Variants in PABIR1 observed in about 807,000 individuals in gnomAD.
The protein encoded by PABIR1 is PPP2R1A-PPP2R2A-interacting phosphatase regulator 1.
Under a neutral mutation model 14.6 loss-of-function variants are expected in PABIR1, and 2 were observed. The ratio of observed to expected loss-of-function variants is 0.14; its 90% CI spans 0.06 to 0.43. PABIR1 has a LOEUF of 0.43. Among genes scored for constraint, PABIR1 ranks in the 20% least tolerant of loss-of-function variants. PABIR1 has a pLI of 0.99. For synonymous variants in PABIR1, 163 were observed against 155.4 expected, an observed-to-expected ratio of 1.05 and a Z score of -0.36; for missense variants, 294 against 379.0, an observed-to-expected ratio of 0.78 and a Z score of 1.86.
chr9:68,782,659 G>A lies in PABIR1; in HGVS notation c.*1631G>A, dbSNP rs1316245246. On this transcript the variant is annotated 3_prime_UTR_variant, in exon 1 of 1. Transcript: ENST00000394264. The stretch of plus-strand genomic sequence containing the variant: ...AAGATGGAGTGAAATTGCATCGAGG[G>A]TAAGACTGTGTCCACAGGTTTAAAA... The A allele has an allele frequency of 6.0e-6, 1 of 167,108 alleles. No individual in the cohort carries two copies. The highest frequency in any genetic ancestry group is 1.5e-5 in the Non-Finnish European group (1 of 68,122). 10.4% of individuals were successfully genotyped at this position (167,108 alleles called of 1,614,324 possible).
chr9:68,780,422 C>A lies in PABIR1; in HGVS notation c.258C>A (p.His86Gln), dbSNP rs1198976534. The A allele has an allele frequency of 6.2e-7, 1 of 1,614,114 alleles. No homozygotes were observed. The highest frequency in any genetic ancestry group is 8.5e-7 in the Non-Finnish European group (1 of 1,180,038). The change falls in exon 1 of 1, where the codon CAC becomes CAA. Residue 86 changes from histidine (H) to glutamine (Q), a missense_variant. Coordinates refer to ENST00000394264, the MANE Select transcript of PABIR1 (RefSeq NM_138333.5). The stretch of plus-strand genomic sequence containing the variant: ...TCCGCATGCACAGCAGCCGCTTGCA[C>A]CAGATCAAACAAGAAGAGGGCATGG... The part of the protein sequence containing the change: ...SPVRMHSSRL[H>Q]QIKQEEGMDL...
In PABIR1 at chr9:68,781,682, AT is replaced by A. The variant is rs1384216026; in HGVS notation, c.*658del. On this transcript the variant is annotated 3_prime_UTR_variant, in exon 1 of 1. Transcript: ENST00000394264. ...TTTTAAGAAAAACATTTTTAATGAG[AT>A]TTTAATAGTAATTCTAGTCAGTCAT... 1.2e-5 allele frequency: 2 copies of A among 166,764 alleles called. No homozygotes were observed. Among genetic ancestry groups the A allele is most frequent in the Non-Finnish European group, 2.9e-5 (2 of 68,114 alleles). 10.3% of individuals were successfully genotyped at this position (166,764 alleles called of 1,614,324 possible).
At position 68,781,706 on chromosome 9, in the gene PABIR1, C is replaced by T. The variant is rs557820815; in HGVS notation, c.*678C>T. The stretch of plus-strand genomic sequence containing the variant: ...GATTTTAATAGTAATTCTAGTCAGT[C>T]ATACAACTATAACTACTATAGAGAA... On this transcript the variant is annotated 3_prime_UTR_variant, in exon 1 of 1. Coordinates refer to ENST00000394264, the MANE Select transcript of PABIR1 (RefSeq NM_138333.5). 176 of 166,072 alleles carry T rather than the reference C, an allele frequency of 1.1e-3. No individual in the cohort carries two copies. Among genetic ancestry groups the T allele is most frequent in the Non-Finnish European group, 1.2e-3 (79 of 68,004 alleles). 10.3% of individuals were successfully genotyped at this position (166,072 alleles called of 1,614,324 possible).
At position 68,782,833 on chromosome 9, in the gene PABIR1, A is replaced by G. The variant is rs970421993; in HGVS notation, c.*1805A>G. The G allele has an allele frequency of 3.6e-5, 6 of 167,080 alleles. No homozygotes were observed. Among genetic ancestry groups the G allele is most frequent in the Admixed American group, 2.0e-4 (3 of 15,284 alleles). The allele number at this position is 167,080 out of a possible 1,614,324, so 10.3% of individuals were successfully genotyped here. A position where few individuals can be genotyped will look rare whatever the true frequency, so the allele number is the denominator to read the frequency against. ...ATTATCTTCAACACAGGAATTGTTA[A>G]TCTTCTCACTTCACCTGTTCTTGCA... is the stretch of plus-strand genomic sequence containing the variant. On this transcript the variant is annotated 3_prime_UTR_variant, in exon 1 of 1. Transcript: ENST00000394264.
chr9:68,781,178 A>T lies in PABIR1; in HGVS notation c.*150A>T. The T allele has an allele frequency of 9.4e-7, 1 of 1,063,058 alleles. No homozygotes were observed. The highest frequency in any genetic ancestry group is 1.4e-6 in the Non-Finnish European group (1 of 733,994). The allele number at this position is 1,063,058 out of a possible 1,614,324, so 65.9% of individuals were successfully genotyped here. A position where few individuals can be genotyped will look rare whatever the true frequency, so the allele number is the denominator to read the frequency against. ...CCCTGAAATGATGTTATTCTAGAGAACTTCTATGTCAGGTTCCTTTGGATA... is the reference window on the plus strand; with the variant it reads ...CCCTGAAATGATGTTATTCTAGAGATCTTCTATGTCAGGTTCCTTTGGATA... On this transcript the variant is annotated 3_prime_UTR_variant, in exon 1 of 1. Coordinates refer to ENST00000394264, the MANE Select transcript of PABIR1 (RefSeq NM_138333.5).
rs1017444858 is a variant in PABIR1, at chr9:68,781,368, T to C, written c.*340T>C. Reference sequence around the variant, plus strand: ...TGGGATTATTAAGTTCTGATGAAAATATAAATGTTGACTTAATCAGCATAG... The same window carrying C: ...TGGGATTATTAAGTTCTGATGAAAACATAAATGTTGACTTAATCAGCATAG... On this transcript the variant is annotated 3_prime_UTR_variant, in exon 1 of 1. Coordinates refer to ENST00000394264, the MANE Select transcript of PABIR1 (RefSeq NM_138333.5). 9.2e-6 allele frequency: 2 copies of C among 217,692 alleles called. No homozygotes were observed. The highest frequency in any genetic ancestry group is 4.7e-5 in the African/African-American group (2 of 42,456). The allele number at this position is 217,692 out of a possible 1,614,324, so 13.5% of individuals were successfully genotyped here. A position where few individuals can be genotyped will look rare whatever the true frequency, so the allele number is the denominator to read the frequency against.
chr9:68,780,992 T>C lies in PABIR1; in HGVS notation c.828T>C (p.Ser276=), dbSNP rs150345384. 1.9e-6 allele frequency: 3 copies of C among 1,613,952 alleles called. No homozygotes were observed. In the African/African-American group the frequency reaches 4.0e-5, roughly 22 times the overall value. The change falls in exon 1 of 1, where the codon TCT becomes TCC. Residue 276 remains serine (S), a synonymous_variant. Coordinates refer to ENST00000394264, the MANE Select transcript of PABIR1 (RefSeq NM_138333.5). ...CTGTGTCACCTGCCCAAGCGGCTTCTCCATTTATTCCACTAGATGAACTTT... is the reference window on the plus strand; with the variant it reads ...CTGTGTCACCTGCCCAAGCGGCTTCCCCATTTATTCCACTAGATGAACTTT... ...DSPVSPAQAA[S]PFIPLDELSS...
rs369314654 is a variant in PABIR1, at chr9:68,781,068, A to T, written c.*40A>T. The T allele has an allele frequency of 2.1e-5, 33 of 1,574,034 alleles. No individual in the cohort carries two copies. The highest frequency in any genetic ancestry group is 2.6e-5 in the Non-Finnish European group (30 of 1,158,582). On this transcript the variant is annotated 3_prime_UTR_variant, in exon 1 of 1. Coordinates refer to ENST00000394264, the MANE Select transcript of PABIR1 (RefSeq NM_138333.5). ...GACTTTCTTTTTGCAGTGGAGAGAG[A>T]GAATAATCTAGTTGGGGCAAACACT...
rs1048354745 is a variant in PABIR1 at position 68,783,009 on chromosome 9, C to G, written c.*1981C>G. The stretch of plus-strand genomic sequence containing the variant: ...ATTTCTTCCCTTCTCTATCTGTTGC[C>G]CCTGATTTTGCCTTAAGTTCTTGCC... On this transcript the variant is annotated 3_prime_UTR_variant, in exon 1 of 1. Coordinates refer to ENST00000394264, the MANE Select transcript of PABIR1 (RefSeq NM_138333.5). 1 of 167,064 alleles carries G rather than the reference C, an allele frequency of 6.0e-6. No homozygotes were observed. Among genetic ancestry groups the G allele is most frequent in the Non-Finnish European group, 1.5e-5 (1 of 68,136 alleles). The allele number at this position is 167,064 out of a possible 1,614,324, so 10.3% of individuals were successfully genotyped here. A position where few individuals can be genotyped will look rare whatever the true frequency, so the allele number is the denominator to read the frequency against.
Position 68,780,956 on chromosome 9 carries a change from C to T in PABIR1, c.792C>T (p.Thr264=). 1 of 1,614,196 alleles carries T rather than the reference C, an allele frequency of 6.2e-7. No individual in the cohort carries two copies. The highest frequency in any genetic ancestry group is 1.1e-5 in the South Asian group (1 of 91,080). The change falls in exon 1 of 1, where the codon ACC becomes ACT. Residue 264 remains threonine (T), a synonymous_variant. Coordinates refer to ENST00000394264, the MANE Select transcript of PABIR1 (RefSeq NM_138333.5). ...ACTCACCAGCGAAAGTCAGCACTAC[C>T]ACCGACTCTCCTGTGTCACCTGCCC... is the stretch of plus-strand genomic sequence containing the variant. The part of the protein sequence containing the change: ...SCNSPAKVST[T]TDSPVSPAQA...
In PABIR1 at chr9:68,780,509, C is replaced by A; in HGVS notation, c.345C>A (p.His115Gln). The A allele has an allele frequency of 1.9e-6, 3 of 1,614,238 alleles. No homozygotes were observed. The highest frequency in any genetic ancestry group is 2.5e-6 in the Non-Finnish European group (3 of 1,180,042). The change falls in exon 1 of 1, where the codon CAC becomes CAA. Residue 115 changes from histidine to glutamine, a missense_variant. Transcript: ENST00000394264. Reference sequence around the variant, plus strand: ...TGCAGACCGCAATGCAGATAAGCCACTCCTGGGAGGAAAGTTTCAGCCTGA... The same window carrying A: ...TGCAGACCGCAATGCAGATAAGCCAATCCTGGGAGGAAAGTTTCAGCCTGA... ...REVQTAMQIS[H>Q]SWEESFSLSD...
rs1252401703 is a variant in PABIR1, at chr9:68,784,415, T to A, written c.*3387T>A. ...TATAAATGGGAGAAATCATTAAAGA[T>A]CATTAACTCCAAGGCTGCTGGATGT... On this transcript the variant is annotated 3_prime_UTR_variant, in exon 1 of 1. Transcript: ENST00000394264. 6.0e-6 allele frequency: 1 copy of A among 167,044 alleles called. No individual in the cohort carries two copies. Among genetic ancestry groups the A allele is most frequent in the Non-Finnish European group, 1.5e-5 (1 of 68,116 alleles). 10.3% of individuals were successfully genotyped at this position (167,044 alleles called of 1,614,324 possible). A position where few individuals can be genotyped will look rare whatever the true frequency, so the allele number is the denominator to read the frequency against.
chr9:68,780,094 G>C lies in PABIR1; in HGVS notation c.-71G>C. 7.5e-7 allele frequency: 1 copy of C among 1,337,348 alleles called. No homozygotes were observed. Among genetic ancestry groups the C allele is most frequent in the Non-Finnish European group, 9.6e-7 (1 of 1,040,180 alleles). The allele number at this position is 1,337,348 out of a possible 1,614,324, so 82.8% of individuals were successfully genotyped here. On this transcript the variant is annotated 5_prime_UTR_variant, in exon 1 of 1. Transcript: ENST00000394264. ...TCTCGGTGGCGGCGGCAGCGGCGGC[G>C]GCCCTGGACTGCGGGGAATGGGAAT...
Position 68,784,075 on chromosome 9 carries a change from CATT to C in PABIR1, c.*3051_*3053del, listed in dbSNP as rs1831467244. 1 of 167,030 alleles carries C rather than the reference CATT, an allele frequency of 6.0e-6. No homozygotes were observed. Among genetic ancestry groups the C allele is most frequent in the African/African-American group, 2.4e-5 (1 of 41,440 alleles). 10.3% of individuals were successfully genotyped at this position (167,030 alleles called of 1,614,324 possible). A position where few individuals can be genotyped will look rare whatever the true frequency, so the allele number is the denominator to read the frequency against. The stretch of plus-strand genomic sequence containing the variant: ...ATCCTTTTCCCCGAAGGTATGGAAA[CATT>C]ATTTCTGTAAGCTTATTCTTCTATA... On this transcript the variant is annotated 3_prime_UTR_variant, in exon 1 of 1. Coordinates refer to ENST00000394264, the MANE Select transcript of PABIR1 (RefSeq NM_138333.5).
In PABIR1 at chr9:68,784,258, A is replaced by G. The variant is rs550087270; in HGVS notation, c.*3230A>G. 1.2e-5 allele frequency: 2 copies of G among 167,244 alleles called. No individual in the cohort carries two copies. Among genetic ancestry groups the G allele is most frequent in the South Asian group, 4.1e-4 (2 of 4,832 alleles). 10.4% of individuals were successfully genotyped at this position (167,244 alleles called of 1,614,324 possible). A position where few individuals can be genotyped will look rare whatever the true frequency, so the allele number is the denominator to read the frequency against. The stretch of plus-strand genomic sequence containing the variant: ...ATCCTTCAAAAAGCATTTTTAAGGT[A>G]TTAGTATTGCTAATCTATAAACTTT... On this transcript the variant is annotated 3_prime_UTR_variant, in exon 1 of 1. Coordinates refer to ENST00000394264, the MANE Select transcript of PABIR1 (RefSeq NM_138333.5).
Position 68,781,998 on chromosome 9 carries a change from A to G in PABIR1, c.*970A>G, listed in dbSNP as rs1179848138. On this transcript the variant is annotated 3_prime_UTR_variant, in exon 1 of 1. Coordinates refer to ENST00000394264, the MANE Select transcript of PABIR1 (RefSeq NM_138333.5). ...CAGTTGTGCCTCAGTTCCAGAAATT[A>G]TTGCCAAACAGGAGCCACAGCAATT... The G allele has an allele frequency of 6.0e-6, 1 of 167,062 alleles. No homozygotes were observed. The highest frequency in any genetic ancestry group is 2.4e-5 in the African/African-American group (1 of 41,452). 10.3% of individuals were successfully genotyped at this position (167,062 alleles called of 1,614,324 possible). A position where few individuals can be genotyped will look rare whatever the true frequency, so the allele number is the denominator to read the frequency against.
Position 68,781,130 on chromosome 9 carries a change from G to A in PABIR1, c.*102G>A, listed in dbSNP as rs557339872. On this transcript the variant is annotated 3_prime_UTR_variant, in exon 1 of 1. Transcript: ENST00000394264. The stretch of plus-strand genomic sequence containing the variant: ...ATTAATTTGAGGCTATTTCCTATTT[G>A]ACCCCTTTTCTTTTTTGAAATTCCC... 9.7e-6 allele frequency: 14 copies of A among 1,447,760 alleles called. No homozygotes were observed. The East Asian group carries it at 2.1e-4, about 21-fold the overall frequency. 89.7% of individuals were successfully genotyped at this position (1,447,760 alleles called of 1,614,324 possible).
At position 68,784,758 on chromosome 9, in the gene PABIR1, A is replaced by T. The variant is rs1339959079; in HGVS notation, c.*3730A>T. On this transcript the variant is annotated 3_prime_UTR_variant, in exon 1 of 1. Coordinates refer to ENST00000394264, the MANE Select transcript of PABIR1 (RefSeq NM_138333.5). ...TTTCTTGAGTAGCACCAGAGAACAG[A>T]AGAAAGAGTTGGCCTTGGAAAGGAG... 1 of 154,670 alleles carries T rather than the reference A, an allele frequency of 6.5e-6. No individual in the cohort carries two copies. Among genetic ancestry groups the T allele is most frequent in the East Asian group, 1.9e-4 (1 of 5,192 alleles). 9.6% of individuals were successfully genotyped at this position (154,670 alleles called of 1,614,324 possible). A position where few individuals can be genotyped will look rare whatever the true frequency, so the allele number is the denominator to read the frequency against.
In PABIR1 at chr9:68,782,858, A is replaced by G. The variant is rs1831377625; in HGVS notation, c.*1830A>G. ...ATCTTCTCACTTCACCTGTTCTTGC[A>G]TTAGCTCAATTGATGTCATCACTGA... On this transcript the variant is annotated 3_prime_UTR_variant, in exon 1 of 1. Transcript: ENST00000394264. 6.0e-6 allele frequency: 1 copy of G among 167,084 alleles called. No individual in the cohort carries two copies. The highest frequency in any genetic ancestry group is 1.5e-5 in the Non-Finnish European group (1 of 68,138). 10.4% of individuals were successfully genotyped at this position (167,084 alleles called of 1,614,324 possible). A position where few individuals can be genotyped will look rare whatever the true frequency, so the allele number is the denominator to read the frequency against.
Sources: gnomAD v4.1 joint callset for allele counts on GRCh38, gnomAD v4.1.1 for gene constraint, MANE v1.5 for transcripts, NCBI Gene and HGNC (gene_info 2026-07-23, HGNC 2026-07-21) for gene names.